KCNMB2: variants seen among roughly 807,000 people sequenced by gnomAD.
The protein encoded by KCNMB2 is potassium calcium-activated channel subfamily M regulatory beta subunit 2, also known as calcium-activated potassium channel subunit beta-2.
In KCNMB2, 9 loss-of-function variants were observed where a neutral mutation model predicts 24.5. The observed-to-expected ratio is 0.37, with a 90% CI of 0.22 to 0.64. The LOEUF (loss-of-function observed/expected upper bound fraction) is 0.64. Among genes scored for constraint, KCNMB2 ranks in the 30% least tolerant of loss-of-function variants. KCNMB2 has a pLI of 0.63. For missense variants in KCNMB2, 226 were observed against 284.3 expected, an observed-to-expected ratio of 0.79 and a Z score of 1.47; for synonymous variants, 109 against 104.4, an observed-to-expected ratio of 1.04 and a Z score of -0.27.
chr3:178,819,401 T>A (rs1421577386), intron 2 of KCNMB2, among the ~76,000 whole-genome samples: 1 of 152,076 alleles, frequency 6.6e-6, no homozygotes, highest in African/African-American at 2.4e-5. Flanking sequence ...CTCCACTCCG[T>A]CTCACTCTCT....
chr3:178,715,883 A>T (rs1319024450), intron 1 of KCNMB2, among the ~76,000 whole-genome samples: 1 of 152,186 alleles, frequency 6.6e-6, no homozygotes, highest in Non-Finnish European at 1.5e-5. Context: ...AACAGAAGTC[A>T]ACTTTTCAGG....
At chr3:178,678,243 AC>A (rs1273466374) in intron 1 of KCNMB2, among the ~76,000 whole-genome samples, 1 of 152,096 alleles carries the variant, frequency 6.6e-6, no homozygotes, top group Non-Finnish European at 1.5e-5. Flanking sequence ...AAAAATGGAA[AC>A]TGTGGCAGTT....
At chr3:178,616,955 T>C (rs1056617096) in intron 1 of KCNMB2, among the ~76,000 whole-genome samples, 2 of 152,232 alleles carry the variant, frequency 1.3e-5, no homozygotes, top group Non-Finnish European at 1.5e-5. Flanking sequence ...TTTTCTTCCC[T>C]GTAGACATTT....
At chr3:178,802,222 GT>G (rs1713800269) in intron 1 of KCNMB2, among the ~76,000 whole-genome samples, 1 of 152,162 alleles carries the variant, frequency 6.6e-6, no homozygotes, top group Non-Finnish European at 1.5e-5. Context: ...CTAAATTTCT[GT>G]GCTTAGAGTG....
intron 2 of KCNMB2, among the ~76,000 whole-genome samples, chr3:178,810,898 C>A (rs913367275): frequency 2.1e-5 from 3 of 140,006 alleles, no homozygotes; most frequent in Non-Finnish European, 4.6e-5. Context: ...CCACACCTGG[C>A]TAACTTTTTT....
At chr3:178,660,996 T>C (rs559853325) in intron 1 of KCNMB2, among the ~76,000 whole-genome samples, 2 of 150,242 alleles carry the variant, frequency 1.3e-5, no homozygotes, top group East Asian at 3.9e-4. Context: ...TATATATATA[T>C]TATTATTATA....
chr3:178,793,584 G>A (rs1333584887), intron 1 of KCNMB2, among the ~76,000 whole-genome samples: 1 of 151,662 alleles, frequency 6.6e-6, no homozygotes, highest in Admixed American at 6.6e-5. Context: ...TCTCTGTTGT[G>A]GTACTGCAAG....
At chr3:178,619,833 T>C (rs1467613381) in intron 1 of KCNMB2, among the ~76,000 whole-genome samples, 2 of 152,180 alleles carry the variant, frequency 1.3e-5, no homozygotes, top group Non-Finnish European at 2.9e-5. Context: ...CAGAATAATC[T>C]TTGTTTTTAG....
Position 178,687,967 on chromosome 3 carries a change from C to T in KCNMB2, c.-67-119376C>T, listed in dbSNP as rs139289691. Among the ~76,000 whole-genome samples, 11 of 152,272 alleles carry T rather than the reference C, an allele frequency of 7.2e-5. No homozygotes were observed. In the East Asian group the frequency reaches 2.1e-3, roughly 29 times the overall value. ...CTTCTTACCAGAAACTTTGGGTCCACTGTTACTAAGGTAACTCAATCAATG... is the reference window on the plus strand; with the variant it reads ...CTTCTTACCAGAAACTTTGGGTCCATTGTTACTAAGGTAACTCAATCAATG... On this transcript the variant is annotated intron_variant, in intron 1 of 4. Coordinates refer to ENST00000452583, the MANE Select transcript of KCNMB2 (RefSeq NM_181361.3).
intron 4 of KCNMB2, 57 bp from the exon 5 acceptor site, chr3:178,842,596 C>T: frequency 8.4e-7 from 1 of 1,194,402 alleles, no homozygotes; most frequent in Non-Finnish European, 1.2e-6. Context: ...CCACCCCCTC[C>T]TAGAGTCTCA....
At chr3:178,562,197 C>T (rs1021508815) in intron 1 of KCNMB2, among the ~76,000 whole-genome samples, 3 of 152,186 alleles carry the variant, frequency 2.0e-5, no homozygotes, top group African/African-American at 7.2e-5. Context: ...TTGCTTAGCT[C>T]TAACACAATT....
At chr3:178,764,859 C>T (rs527413123) in intron 1 of KCNMB2, among the ~76,000 whole-genome samples, 2 of 152,160 alleles carry the variant, frequency 1.3e-5, no homozygotes, top group East Asian at 1.9e-4. Context: ...ATTGTGTTAG[C>T]CACAGAAGAA....
At chr3:178,785,070 T>C (rs868265482) in intron 1 of KCNMB2, among the ~76,000 whole-genome samples, 2 of 152,034 alleles carry the variant, frequency 1.3e-5, no homozygotes, top group Middle Eastern at 3.4e-3. Context: ...GCCAAAAGCC[T>C]TAAATGAAAA....
chr3:178,771,479 T>C (rs1333311309), intron 1 of KCNMB2, among the ~76,000 whole-genome samples: 4 of 132,588 alleles, frequency 3.0e-5, no homozygotes, highest in Admixed American at 2.2e-4. Flanking sequence ...CTTTCTTTTT[T>C]TTTTTTTTTT....
chr3:178,767,542 T>C (rs544083449), intron 1 of KCNMB2, among the ~76,000 whole-genome samples: 8 of 152,242 alleles, frequency 5.3e-5, no homozygotes, highest in Non-Finnish European at 7.3e-5. Context: ...TTCCATCTTG[T>C]GGTTAGCGTT....
At chr3:178,565,427 T>C (rs1716482975) in intron 1 of KCNMB2, among the ~76,000 whole-genome samples, 1 of 152,178 alleles carries the variant, frequency 6.6e-6, no homozygotes, top group African/African-American at 2.4e-5. Flanking sequence ...TGGAAAATGA[T>C]ACACAGCAGA....
At chr3:178,796,577 A>C (rs544745553) in intron 1 of KCNMB2, among the ~76,000 whole-genome samples, 1 of 152,340 alleles carries the variant, frequency 6.6e-6, no homozygotes, top group Admixed American at 6.5e-5. Context: ...AATGGAATAA[A>C]ACTAGAAATC....
chr3:178,672,172 G>C (rs1720922644), intron 1 of KCNMB2, among the ~76,000 whole-genome samples: 1 of 152,120 alleles, frequency 6.6e-6, no homozygotes, highest in East Asian at 1.9e-4. Context: ...TCATGATTCA[G>C]TATTTAAAAT....
chr3:178,687,663 T>A (rs930323215), intron 1 of KCNMB2, among the ~76,000 whole-genome samples: 1 of 152,142 alleles, frequency 6.6e-6, no homozygotes, highest in South Asian at 2.1e-4. Flanking sequence ...CAATTTTTAT[T>A]ATTTATTTTT....
Sources: gnomAD v4.1 joint callset for allele counts (sites outside exome capture counted in the v4.1 genomes callset) on GRCh38, gnomAD v4.1.1 for gene constraint, MANE v1.5 for transcripts, NCBI Gene and HGNC (gene_info 2026-07-23, HGNC 2026-07-21) for gene names.